Variants in RNF220 observed in about 807,000 individuals in gnomAD.
RNF220 encodes E3 ubiquitin-protein ligase RNF220.
Under a neutral mutation model 67.1 loss-of-function variants are expected in RNF220, and 7 were observed. The observed-to-expected ratio is 0.10, with a 90% confidence interval of 0.06 to 0.20. The LOEUF (loss-of-function observed/expected upper bound fraction) is 0.20, where lower values mean the gene tolerates loss of function less well. Ranked by LOEUF, RNF220 falls within the 10% of genes least tolerant of loss-of-function variation. The pLI, the probability that RNF220 is intolerant of heterozygous loss-of-function variation, is 1.00. For missense variants in RNF220, 565 were observed against 740.3 expected (o/e 0.76, Z 2.75); for synonymous variants, 270 against 283.2 (o/e 0.95, Z 0.47).
chr1:44,650,820 C>T lies in RNF220; in HGVS notation c.*45C>T, dbSNP rs1190996933. The T allele has an allele frequency of 6.4e-7, 1 of 1,568,620 alleles. No homozygotes were observed. On this transcript the variant is annotated 3_prime_UTR_variant, in exon 15 of 15. Coordinates refer to ENST00000361799, the MANE Select transcript of RNF220 (RefSeq NM_018150.4). The surrounding 1 kb of genome is among the most constrained non-coding windows in gnomAD (Gnocchi z 4.3). ...CCTCGCCTCCAGCAGCCCCACCTGC[C>T]CCCAGCCTCTGTGACAGTGACCGTC...
chr1:44,494,452 G>A (rs1007939188), intron 2 of RNF220, among the ~76,000 whole-genome samples: 1 of 152,098 alleles, frequency 6.6e-6, no homozygotes, highest in Non-Finnish European at 1.5e-5. Context: ...CAACCTAAAT[G>A]TTCCTCTCTA....
At chr1:44,503,174 A>C (rs1309246773) in intron 2 of RNF220, among the ~76,000 whole-genome samples, 1 of 151,980 alleles carries the variant, frequency 6.6e-6, no homozygotes, top group Non-Finnish European at 1.5e-5. Flanking sequence ...TCTCTGCTGA[A>C]AATACAAAAA....
rs865783143 is a variant in RNF220, at chr1:44,600,130, G to T, written c.626-14035G>T. Among the ~76,000 whole-genome samples the T allele has an allele frequency of 9.2e-5, 14 of 152,158 alleles. No individual in the cohort carries two copies. Among genetic ancestry groups the T allele is most frequent in the Non-Finnish European group, 1.5e-4 (10 of 68,036 alleles). Reference sequence around the variant, plus strand: ...AAATTAAGATTGTCAATTTAGGGAGGTCTCTGGATAGTGGTACCATTCACT... The same window carrying T: ...AAATTAAGATTGTCAATTTAGGGAGTTCTCTGGATAGTGGTACCATTCACT... On this transcript the variant is annotated intron_variant, in intron 2 of 14. Coordinates refer to ENST00000361799, the MANE Select transcript of RNF220 (RefSeq NM_018150.4). This position sits in a 1 kb window ranked among gnomAD's most constrained non-coding sequence, Gnocchi z 4.0.
intron 2 of RNF220, among the ~76,000 whole-genome samples, chr1:44,534,438 AG>A (rs1661052597): frequency 1.3e-5 from 2 of 152,102 alleles, no homozygotes; most frequent in Non-Finnish European, 2.9e-5. Flanking sequence ...CTCGTCATTT[AG>A]CATTAGGTAT....
At chr1:44,502,747 AATT>A (rs75429220) in intron 2 of RNF220, among the ~76,000 whole-genome samples, 31 of 151,284 alleles carry the variant, frequency 2.0e-4, no homozygotes, top group African/African-American at 5.6e-4. Context: ...AAAACGTGTG[AATT>A]ATTATTATTA....
intron 2 of RNF220, among the ~76,000 whole-genome samples, chr1:44,459,166 C>G (rs17385547): frequency 6.6e-6 from 1 of 151,654 alleles, no homozygotes; most frequent in East Asian, 1.9e-4. Context: ...TGACTTTTAC[C>G]ATGGTGATTC....
At chr1:44,566,454 G>A (rs1664022919) in intron 2 of RNF220, among the ~76,000 whole-genome samples, 1 of 152,232 alleles carries the variant, frequency 6.6e-6, no homozygotes, top group African/African-American at 2.4e-5. Flanking sequence ...GAAGAGACCA[G>A]AAGACAGGCT....
chr1:44,628,205 C>T (rs1175458820), intron 5 of RNF220, among the ~76,000 whole-genome samples: 1 of 152,258 alleles, frequency 6.6e-6, no homozygotes, highest in Admixed American at 6.5e-5. Flanking sequence ...GGCCTGTCCT[C>T]TGTACTGCAC....
intron 12 of RNF220, among the ~76,000 whole-genome samples, chr1:44,646,222 A>G (rs1250482976): frequency 2.0e-5 from 3 of 152,238 alleles, no homozygotes; most frequent in Non-Finnish European, 4.4e-5. Flanking sequence ...TTCCAGGGCC[A>G]GTGTTCCATC....
At chr1:44,586,588 A>G (rs1665714276) in intron 2 of RNF220, among the ~76,000 whole-genome samples, 1 of 152,206 alleles carries the variant, frequency 6.6e-6, no homozygotes, top group South Asian at 2.1e-4. Flanking sequence ...GGCGACAGGC[A>G]CAGGTCCTTG....
chr1:44,456,169 G>A (rs533478289), intron 2 of RNF220, among the ~76,000 whole-genome samples: 2 of 152,328 alleles, frequency 1.3e-5, no homozygotes, highest in African/African-American at 4.8e-5. Context: ...GTCTCTGGAG[G>A]TGTTTAATTT....
intron 2 of RNF220, among the ~76,000 whole-genome samples, chr1:44,572,673 T>C (rs915234646): frequency 1.3e-5 from 2 of 151,684 alleles, no homozygotes; most frequent in African/African-American, 2.4e-5. Flanking sequence ...AGGCAGGTCT[T>C]CTCTGGCCCA....
At chr1:44,513,792 G>A (rs553402633) in intron 2 of RNF220, among the ~76,000 whole-genome samples, 22 of 152,228 alleles carry the variant, frequency 1.4e-4, no homozygotes, top group Admixed American at 5.9e-4. Context: ...GCATGTGTGC[G>A]CGTGTGTCTG....
At chr1:44,531,946 C>T (rs1660867251) in intron 2 of RNF220, among the ~76,000 whole-genome samples, 1 of 152,212 alleles carries the variant, frequency 6.6e-6, no homozygotes, top group Non-Finnish European at 1.5e-5. Context: ...CTGCCTGTGT[C>T]ACCCCTCTCT....
chr1:44,444,376 A>G (rs952231083), intron 2 of RNF220, among the ~76,000 whole-genome samples: 1 of 151,962 alleles, frequency 6.6e-6, no homozygotes, highest in East Asian at 1.9e-4. Flanking sequence ...ATTCATCCAT[A>G]TTATTGCATG....
chr1:44,482,682 C>T (rs1008709086), intron 2 of RNF220, among the ~76,000 whole-genome samples: 7 of 151,880 alleles, frequency 4.6e-5, no homozygotes, highest in Admixed American at 1.3e-4. Flanking sequence ...AGTGCCGTGG[C>T]ACAATCTCAG....
intron 2 of RNF220, among the ~76,000 whole-genome samples, chr1:44,609,302 C>T (rs1216391265): frequency 6.6e-6 from 1 of 152,192 alleles, no homozygotes; most frequent in African/African-American, 2.4e-5. Flanking sequence ...ACCAGTCGAT[C>T]AAGCCATGCC....
chr1:44,573,959 C>T (rs1664628570), intron 2 of RNF220, among the ~76,000 whole-genome samples: 1 of 151,738 alleles, frequency 6.6e-6, no homozygotes, highest in South Asian at 2.1e-4. Flanking sequence ...ACAAAAAATA[C>T]CAAAAAATAT....
At chr1:44,536,542 GCAGCCTTTCT>G (rs1423482764) in intron 2 of RNF220, among the ~76,000 whole-genome samples, 1 of 152,210 alleles carries the variant, frequency 6.6e-6, no homozygotes, top group African/African-American at 2.4e-5. Context: ...ACATGGGCCT[GCAGCCTTTCT>G]CAGCTCTCAC....
Sources: allele counts gnomAD v4.1 joint callset (sites outside exome capture counted in the v4.1 genomes callset), GRCh38; gene constraint gnomAD v4.1.1; non-coding constraint Gnocchi (gnomAD v3.1); transcripts MANE v1.5; gene names NCBI Gene and HGNC (gene_info 2026-07-23, HGNC 2026-07-21).